Variants in RAD51B observed in about 807,000 individuals in gnomAD.
The protein encoded by RAD51B is RAD51 paralog B, also known as DNA repair protein RAD51 homolog 2.
RAD51B carries 38 observed loss-of-function variants against 42.2 expected under a neutral mutation model. The ratio of observed to expected loss-of-function variants is 0.90; its 90% CI spans 0.70 to 1.18. RAD51B has a LOEUF of 1.18. RAD51B is among the 50% of genes most tolerant of loss of function. The pLI is 0.00. For missense variants in RAD51B, 373 were observed against 400.7 expected (o/e 0.93, Z 0.59); for synonymous variants, 154 against 145.2 (o/e 1.06, Z -0.43).
chr14:68,262,213 G>A (rs767327492), intron 7 of RAD51B, among the ~76,000 whole-genome samples: 1 of 152,158 alleles, frequency 6.6e-6, no homozygotes, highest in Non-Finnish European at 1.5e-5. Context: ...GTGGAAAGAG[G>A]AGAAGGCATG....
chr14:68,264,784 G>A (rs2080957122), intron 7 of RAD51B, among the ~76,000 whole-genome samples: 1 of 152,166 alleles, frequency 6.6e-6, no homozygotes, highest in South Asian at 2.1e-4. Flanking sequence ...CAAGAAAAGT[G>A]GATGGCAGAG....
At chr14:68,606,107 C>A (rs115380387) in intron 10 of RAD51B, among the ~76,000 whole-genome samples, 28 of 152,266 alleles carry the variant, frequency 1.8e-4, no homozygotes, top group Admixed American at 3.9e-4. Flanking sequence ...GCACTTGGGC[C>A]GGGTGGGACT....
At chr14:67,958,184 CTGTT>C (rs1356981089) in intron 7 of RAD51B, among the ~76,000 whole-genome samples, 1 of 152,138 alleles carries the variant, frequency 6.6e-6, no homozygotes, top group Non-Finnish European at 1.5e-5. Context: ...GGAACCATGT[CTGTT>C]TATTTTGTGT....
chr14:68,332,311 A>G (rs1166566141), intron 8 of RAD51B, among the ~76,000 whole-genome samples: 1 of 151,560 alleles, frequency 6.6e-6, no homozygotes, highest in African/African-American at 2.4e-5. Context: ...ACACACACAC[A>G]TGTATATTAT....
intron 7 of RAD51B, among the ~76,000 whole-genome samples, chr14:67,971,687 C>A (rs552687329): frequency 6.6e-6 from 1 of 151,902 alleles, no homozygotes; most frequent in Non-Finnish European, 1.5e-5. Context: ...GTTTTTTATT[C>A]TTTGTGACTG....
At chr14:68,524,889 G>A (rs1886823167) in intron 10 of RAD51B, among the ~76,000 whole-genome samples, 2 of 152,212 alleles carry the variant, frequency 1.3e-5, no homozygotes, top group Admixed American at 6.5e-5. Context: ...CCCTCAACTG[G>A]GCCAAGAATG....
At chr14:68,105,866 A>G (rs2077369287) in intron 7 of RAD51B, among the ~76,000 whole-genome samples, 1 of 152,000 alleles carries the variant, frequency 6.6e-6, no homozygotes, top group African/African-American at 2.4e-5. Flanking sequence ...CCTTCTATTT[A>G]TTGGGTCCTC....
intron 11 of RAD51B, among the ~76,000 whole-genome samples, chr14:68,658,303 C>G (rs947479207): frequency 1.3e-5 from 2 of 152,228 alleles, no homozygotes; most frequent in African/African-American, 4.8e-5. Flanking sequence ...CTGCCCGGAC[C>G]GAGAATCTGG....
At chr14:67,887,991 AACT>A (rs1466102331) in intron 7 of RAD51B, among the ~76,000 whole-genome samples, 1 of 152,200 alleles carries the variant, frequency 6.6e-6, no homozygotes, top group Admixed American at 6.5e-5. Context: ...TAGTTCCTTA[AACT>A]GAGATAAAAT....
At chr14:68,461,338 A>G (rs1267616297) in intron 9 of RAD51B, among the ~76,000 whole-genome samples, 16 of 1,936 alleles carry the variant, frequency 8.3e-3, no homozygotes, top group Admixed American at 0.057. Flanking sequence ...CATGCAGGGA[A>G]AAAAAAAAAA....
At chr14:67,981,611 A>G (rs2075094440) in intron 7 of RAD51B, among the ~76,000 whole-genome samples, 1 of 152,266 alleles carries the variant, frequency 6.6e-6, no homozygotes, top group South Asian at 2.1e-4. Flanking sequence ...CATATAATGG[A>G]ATACTATTTA....
chr14:68,661,698 C>T (rs931113488), intron 11 of RAD51B, among the ~76,000 whole-genome samples: 2 of 152,238 alleles, frequency 1.3e-5, no homozygotes, highest in African/African-American at 4.8e-5. Flanking sequence ...TGGAATTCAA[C>T]AGAGATCCTT....
At chr14:68,022,343 C>G (rs2075881120) in intron 7 of RAD51B, among the ~76,000 whole-genome samples, 2 of 152,010 alleles carry the variant, frequency 1.3e-5, no homozygotes, top group Non-Finnish European at 2.9e-5. Flanking sequence ...TTGATGGGCA[C>G]CCAGATTGAT....
At chr14:68,125,909 G>A (rs1022680185) in intron 7 of RAD51B, among the ~76,000 whole-genome samples, 1 of 152,062 alleles carries the variant, frequency 6.6e-6, no homozygotes, top group African/African-American at 2.4e-5. Flanking sequence ...AAGCACCAAC[G>A]TCCCATAGGA....
At chr14:68,363,925 G>A (rs1448366949) in intron 8 of RAD51B, among the ~76,000 whole-genome samples, 1 of 152,200 alleles carries the variant, frequency 6.6e-6, no homozygotes, top group Admixed American at 6.5e-5. Flanking sequence ...AGCGTCCACA[G>A]GAGGAAGTTG....
intron 7 of RAD51B, among the ~76,000 whole-genome samples, chr14:67,921,219 A>T: frequency 6.6e-6 from 1 of 152,138 alleles, no homozygotes; most frequent in East Asian, 1.9e-4. Context: ...TTGTTATGTC[A>T]TGTCATGTCA....
At chr14:68,426,323 A>C (rs2140122028) in intron 9 of RAD51B, among the ~76,000 whole-genome samples, 1 of 150,838 alleles carries the variant, frequency 6.6e-6, no homozygotes, top group African/African-American at 2.4e-5. Context: ...TGATCCACCC[A>C]CCTCAGCCTC....
At chr14:67,960,229 A>C (rs571511940) in intron 7 of RAD51B, among the ~76,000 whole-genome samples, 1 of 152,360 alleles carries the variant, frequency 6.6e-6, no homozygotes, top group South Asian at 2.1e-4. Context: ...AATCAAGTTC[A>C]GAGAAGTTGA....
intron 7 of RAD51B, among the ~76,000 whole-genome samples, chr14:68,249,702 G>C (rs183394754): frequency 6.6e-6 from 1 of 152,196 alleles, no homozygotes; most frequent in Non-Finnish European, 1.5e-5. Context: ...TCCAGGTAGT[G>C]TCCTAATTTT....
Sources: allele counts gnomAD v4.1 joint callset (sites outside exome capture counted in the v4.1 genomes callset), GRCh38; gene constraint gnomAD v4.1.1; transcripts MANE v1.5; gene names NCBI Gene and HGNC (gene_info 2026-07-23, HGNC 2026-07-21).